CUL4A: variants seen among roughly 807,000 people sequenced by gnomAD.
CUL4A encodes cullin-4A.
A neutral mutation model predicts 95.5 loss-of-function variants in CUL4A; 16 were observed. The ratio of observed to expected loss-of-function variants is 0.17; its 90% CI spans 0.11 to 0.25. CUL4A has a LOEUF of 0.25. CUL4A is among the 10% of genes least tolerant of loss of function. The pLI, the probability that CUL4A is intolerant of heterozygous loss-of-function variation, is 1.00. For missense variants in CUL4A, 610 were observed against 937.0 expected (o/e 0.65, Z 4.56); for synonymous variants, 380 against 353.1 (o/e 1.08, Z -0.85).
Position 113,236,863 on chromosome 13 carries a change from G to A in CUL4A, c.889G>A (p.Glu297Lys), listed in dbSNP as rs1435243618. Residue 297 changes from glutamate (E) to lysine (K), a missense_variant, in exon 9 of 20, where the codon GAA (glutamate) becomes AAA (lysine). By Grantham distance (56) the Glu-to-Lys change is moderately conservative. Coordinates refer to ENST00000375440, the MANE Select transcript of CUL4A (RefSeq NM_001008895.4). Reference protein sequence around the residue: ...IACVEKQLLGEHLTAILQKGL... With the variant: ...IACVEKQLLGKHLTAILQKGL... ...TTGTGTGGAGAAACAGCTATTAGGA[G>A]AACATTTAACAGCAATTCTGCAGAA... 1 of 1,612,432 alleles carries A rather than the reference G, an allele frequency of 6.2e-7. No individual in the cohort carries two copies.
chr13:113,242,819 T>C (rs2041756610), intron 10 of CUL4A, 149 bp from the exon 11 acceptor site: 1 of 640,562 alleles, frequency 1.6e-6, no homozygotes, highest in African/African-American at 1.9e-5. Context: ...TTTTGAAATG[T>C]GAATTCAATT....
chr13:113,220,920 C>A (rs755233544), intron 3 of CUL4A, among the ~76,000 whole-genome samples: 1 of 152,174 alleles, frequency 6.6e-6, no homozygotes, highest in Non-Finnish European at 1.5e-5. Context: ...CAAAAATTAT[C>A]ATTTGGTTCA....
intron 2 of CUL4A, among the ~76,000 whole-genome samples, chr13:113,215,286 G>A (rs529753918): frequency 1.4e-5 from 2 of 145,024 alleles, no homozygotes; most frequent in African/African-American, 2.8e-5. Flanking sequence ...TATGGAGGTC[G>A]CTATGTGACT....
chr13:113,261,864 T>C (rs1261707005), intron 19 of CUL4A, among the ~76,000 whole-genome samples: 4 of 152,072 alleles, frequency 2.6e-5, no homozygotes, highest in African/African-American at 9.7e-5. Context: ...CACTGTAACC[T>C]CTGCCTCTCG....
At chr13:113,217,414 GA>G (rs1567014513) in intron 2 of CUL4A, among the ~76,000 whole-genome samples, 1 of 152,192 alleles carries the variant, frequency 6.6e-6, no homozygotes, top group African/African-American at 2.4e-5. Context: ...AATGTAGGGG[GA>G]AAGTTTGTAT....
intron 18 of CUL4A, 59 bp from the exon 19 acceptor site, chr13:113,260,548 G>C (rs1011455044): frequency 8.7e-6 from 13 of 1,489,346 alleles, no homozygotes; most frequent in Non-Finnish European, 1.2e-5. Flanking sequence ...AGACTCCATC[G>C]CAAAAAATAA....
At chr13:113,213,345 T>C (rs2040522929) in intron 2 of CUL4A, among the ~76,000 whole-genome samples, 1 of 152,210 alleles carries the variant, frequency 6.6e-6, no homozygotes, top group South Asian at 2.1e-4. Context: ...GGCCTGTTTG[T>C]CTCCCATCTT....
intron 19 of CUL4A, 113 bp from the exon 20 acceptor site, chr13:113,263,374 G>GTA (rs1405552285): frequency 2.5e-6 from 1 of 401,728 alleles, no homozygotes; most frequent in African/African-American, 2.1e-5. Flanking sequence ...ATATCTATTT[G>GTA]TATATATATT....
intron 19 of CUL4A, among the ~76,000 whole-genome samples, chr13:113,262,070 G>T (rs984362481): frequency 6.6e-6 from 1 of 152,190 alleles, no homozygotes; most frequent in South Asian, 2.1e-4. Context: ...GAGCCACCGC[G>T]CCCAGCCTCA....
intron 11 of CUL4A, 126 bp from the exon 12 acceptor site, chr13:113,244,284 T>C: frequency 1.5e-6 from 1 of 677,312 alleles, no homozygotes; most frequent in Admixed American, 2.9e-5. Flanking sequence ...AAATCAGATA[T>C]TTGTTTTTTT....
chr13:113,222,470 C>T (rs190440149), intron 3 of CUL4A, among the ~76,000 whole-genome samples: 7 of 149,574 alleles, frequency 4.7e-5, no homozygotes, highest in Admixed American at 6.6e-5. Flanking sequence ...GTCGTGGTCA[C>T]GTTGATTTGG....
intron 2 of CUL4A, among the ~76,000 whole-genome samples, chr13:113,210,612 G>C (rs1304726141): frequency 2.0e-5 from 3 of 152,204 alleles, no homozygotes; most frequent in African/African-American, 7.2e-5. Context: ...AATTCAAAGT[G>C]ATGGTGTTCC....
intron 2 of CUL4A, among the ~76,000 whole-genome samples, chr13:113,216,565 A>T (rs1387057294): frequency 1.3e-5 from 2 of 152,196 alleles, no homozygotes; most frequent in Non-Finnish European, 2.9e-5. Context: ...CGATCATTGG[A>T]TTACATTCCT....
At chr13:113,233,558 G>A (rs931899441) in intron 6 of CUL4A, among the ~76,000 whole-genome samples, 5 of 152,126 alleles carry the variant, frequency 3.3e-5, no homozygotes, top group African/African-American at 1.2e-4. Context: ...AAAATGCACG[G>A]ATAGATCAAT....
chr13:113,230,699 ATAAGT>A (rs1347328139), intron 5 of CUL4A, among the ~76,000 whole-genome samples: 1 of 152,234 alleles, frequency 6.6e-6, no homozygotes, highest in African/African-American at 2.4e-5. Context: ...ACTAAGGCAC[ATAAGT>A]TAAAATAACT....
rs554115722 is a variant in CUL4A, at chr13:113,262,355, G to C, written c.2185-1132G>C. ...GCATGCAATAACTATGTAAATACACGAGAATAAAACTACAGGCCAGGCGCA... is the reference window on the plus strand; with the variant it reads ...GCATGCAATAACTATGTAAATACACCAGAATAAAACTACAGGCCAGGCGCA... On this transcript the variant is annotated intron_variant, in intron 19 of 19. Coordinates refer to ENST00000375440, the MANE Select transcript of CUL4A (RefSeq NM_001008895.4). Among the ~76,000 whole-genome samples the C allele has an allele frequency of 1.1e-3, 169 of 152,216 alleles. 2 individuals carry two copies. In the South Asian group the frequency reaches 0.035, roughly 31 times the overall value.
intron 4 of CUL4A, among the ~76,000 whole-genome samples, chr13:113,228,371 C>T (rs769264884): frequency 3.9e-5 from 6 of 152,230 alleles, no homozygotes; most frequent in Non-Finnish European, 8.8e-5. Flanking sequence ...TGCAGCTGCA[C>T]AACCAGCGTC....
Position 113,228,062 on chromosome 13 carries a change from T to C in CUL4A, c.438+17T>C, listed in dbSNP as rs1172509418. ...AGACAAATGGTAAGCTTGTTCACTTTTTCATCAAAACACGACCTCATCCAT... is the reference window on the plus strand; with the variant it reads ...AGACAAATGGTAAGCTTGTTCACTTCTTCATCAAAACACGACCTCATCCAT... On this transcript the variant is annotated intron_variant, in intron 4 of 19. Transcript: ENST00000375440. The C allele has an allele frequency of 6.2e-7, 1 of 1,602,030 alleles. No homozygotes were observed. The highest frequency in any genetic ancestry group is 8.6e-7 in the Non-Finnish European group (1 of 1,169,330).
intron 19 of CUL4A, among the ~76,000 whole-genome samples, chr13:113,263,242 C>T (rs932304869): frequency 5.3e-5 from 8 of 152,210 alleles, no homozygotes; most frequent in African/African-American, 1.9e-4. Flanking sequence ...GGAAACCACA[C>T]TCTGACCATA....
Sources: allele counts gnomAD v4.1 joint callset (sites outside exome capture counted in the v4.1 genomes callset), GRCh38; gene constraint gnomAD v4.1.1; transcripts MANE v1.5; gene names NCBI Gene and HGNC (gene_info 2026-07-23, HGNC 2026-07-21).